The following DYNC2H1 variants were observed in gnomAD, a reference collection of about 807,000 sequenced individuals.
DYNC2H1 encodes the protein dynein cytoplasmic 2 heavy chain 1.
DYNC2H1 carries 410 observed loss-of-function variants against 570.0 expected under a neutral mutation model. That is an observed-to-expected ratio of 0.72 (90% CI 0.66 to 0.78). DYNC2H1 has a LOEUF of 0.78. Among genes scored for constraint, DYNC2H1 ranks in the 30% least tolerant of loss-of-function variants. The pLI is 0.00. For synonymous variants in DYNC2H1, 1,688 were observed against 1,677.6 expected (o/e 1.01, Z -0.15); for missense variants, 4,865 against 5,046.4 (o/e 0.96, Z 1.09).
chr11:103,229,012 G>T (rs941909544), intron 59 of DYNC2H1, among the ~76,000 whole-genome samples: 1 of 152,042 alleles, frequency 6.6e-6, no homozygotes, highest in Non-Finnish European at 1.5e-5. Context: ...CCAGGGTAGT[G>T]GGGGAAAGCC....
intron 84 of DYNC2H1, among the ~76,000 whole-genome samples, chr11:103,431,233 A>AAG (rs1309774495): frequency 3.3e-5 from 5 of 151,054 alleles, no homozygotes; most frequent in Non-Finnish European, 5.9e-5. Context: ...AAAAAAAAAA[A>AAG]CTAAAAAACT....
At chr11:103,138,612 T>C (rs1291785515) in intron 17 of DYNC2H1, among the ~76,000 whole-genome samples, 5 of 152,244 alleles carry the variant, frequency 3.3e-5, no homozygotes, top group Non-Finnish European at 4.4e-5. Flanking sequence ...GGATTTGGTT[T>C]GCCAGTATTT....
rs1324876211 is a variant in DYNC2H1 at position 103,366,625 on chromosome 11, A to C, written c.12156+8266A>C. On this transcript the variant is annotated intron_variant, in intron 83 of 88. Coordinates refer to ENST00000375735, the MANE Select transcript of DYNC2H1 (RefSeq NM_001377.3). ...CATGGAACTTCACTGCTTTGTTTAAAATTCCAGATCTGCTGCTTACAGATG... is the reference window on the plus strand; with the variant it reads ...CATGGAACTTCACTGCTTTGTTTAACATTCCAGATCTGCTGCTTACAGATG... Among the ~76,000 whole-genome samples the C allele has an allele frequency of 4.6e-5, 7 of 152,240 alleles. No homozygotes were observed. In the East Asian group the frequency reaches 1.2e-3, roughly 25 times the overall value.
At chr11:103,422,304 A>G (rs926730115) in intron 84 of DYNC2H1, among the ~76,000 whole-genome samples, 2 of 152,128 alleles carry the variant, frequency 1.3e-5, no homozygotes, top group Admixed American at 6.6e-5. Context: ...CTATTCCAAA[A>G]AATTGAAAAG....
intron 63 of DYNC2H1, among the ~76,000 whole-genome samples, chr11:103,242,044 G>A (rs1316559798): frequency 6.6e-5 from 10 of 151,938 alleles, no homozygotes; most frequent in East Asian, 1.9e-4. Context: ...TAGATATACA[G>A]TGTTCCCCCC....
At chr11:103,413,008 C>T (rs533993773) in intron 84 of DYNC2H1, among the ~76,000 whole-genome samples, 1 of 152,104 alleles carries the variant, frequency 6.6e-6, no homozygotes, top group Non-Finnish European at 1.5e-5. Flanking sequence ...GTACCACCCC[C>T]CACCTACCCT....
At chr11:103,273,376 A>T (rs1478336193) in intron 70 of DYNC2H1, among the ~76,000 whole-genome samples, 1 of 151,876 alleles carries the variant, frequency 6.6e-6, no homozygotes, top group East Asian at 1.9e-4. Flanking sequence ...TTTTGTAGAG[A>T]TGGAATTTCA....
Position 103,136,379 on chromosome 11 carries a change from C to T in DYNC2H1, c.2574+431C>T, listed in dbSNP as rs541183696. On this transcript the variant is annotated intron_variant, in intron 17 of 88. Coordinates refer to ENST00000375735, the MANE Select transcript of DYNC2H1 (RefSeq NM_001377.3). ...TCCTAATACTATCCCTCCCCCCTCC[C>T]GCCACCCGACAACAGTCCCCAGAGT... Among the ~76,000 whole-genome samples the T allele has an allele frequency of 1.5e-4, 23 of 151,086 alleles. No individual in the cohort carries two copies. The South Asian group carries it at 1.7e-3, about 11-fold the overall frequency.
At chr11:103,271,809 G>C (rs796566284) in intron 70 of DYNC2H1, among the ~76,000 whole-genome samples, 7 of 152,220 alleles carry the variant, frequency 4.6e-5, no homozygotes, top group African/African-American at 1.7e-4. Flanking sequence ...GCAGCCAACA[G>C]ACACATGAAA....
At chr11:103,433,291 G>A (rs1943959308) in intron 84 of DYNC2H1, among the ~76,000 whole-genome samples, 1 of 149,552 alleles carries the variant, frequency 6.7e-6, no homozygotes, top group Admixed American at 6.9e-5. Context: ...TCTGCACATT[G>A]TAGATAGTAA....
At chr11:103,258,427 T>G (rs1484651756) in intron 69 of DYNC2H1, among the ~76,000 whole-genome samples, 1 of 152,220 alleles carries the variant, frequency 6.6e-6, no homozygotes, top group African/African-American at 2.4e-5. Context: ...AACTATTTTC[T>G]TATGCTTATT....
chr11:103,200,882 A>C (rs759833295), intron 50 of DYNC2H1, among the ~76,000 whole-genome samples: 1 of 152,184 alleles, frequency 6.6e-6, no homozygotes. Context: ...GCTGGAGTGC[A>C]GTGACATGAT....
chr11:103,166,451 T>C (rs1470420567), intron 31 of DYNC2H1, among the ~76,000 whole-genome samples: 3 of 152,156 alleles, frequency 2.0e-5, no homozygotes, highest in Non-Finnish European at 4.4e-5. Flanking sequence ...ATGTTCCAGG[T>C]TTCCTTCTGG....
At chr11:103,117,225 A>T (rs1345604574) in intron 5 of DYNC2H1, among the ~76,000 whole-genome samples, 1 of 146,552 alleles carries the variant, frequency 6.8e-6, no homozygotes, top group Non-Finnish European at 1.5e-5. Context: ...ATATATATTT[A>T]ATATATGTAT....
intron 88 of DYNC2H1, among the ~76,000 whole-genome samples, chr11:103,474,768 T>A (rs1467517342): frequency 6.6e-6 from 1 of 152,222 alleles, no homozygotes; most frequent in African/African-American, 2.4e-5. Context: ...TAGATATGTA[T>A]GTTTAGGAAG....
chr11:103,458,527 ATAGTATATAAAAAT>A (rs1407126229), intron 87 of DYNC2H1, among the ~76,000 whole-genome samples: 2 of 152,162 alleles, frequency 1.3e-5, no homozygotes, highest in Non-Finnish European at 1.5e-5. Context: ...CAACCTGTAT[ATAGTATATAAAAAT>A]TAGTATATAA....
At chr11:103,135,045 A>G (rs548325578) in intron 15 of DYNC2H1, among the ~76,000 whole-genome samples, 53 of 152,194 alleles carry the variant, frequency 3.5e-4, no homozygotes, top group African/African-American at 1.3e-3. Context: ...AAAGTATGTA[A>G]ATTCTTATGA....
intron 87 of DYNC2H1, among the ~76,000 whole-genome samples, chr11:103,456,654 C>A (rs1944800411): frequency 1.3e-5 from 2 of 152,054 alleles, no homozygotes; most frequent in African/African-American, 2.4e-5. Context: ...TAAAATTGAA[C>A]CTAATATTTA....
rs1865967168 is a variant in DYNC2H1 at position 103,277,694 on chromosome 11, C to T, written c.10696-2654C>T. Among the ~76,000 whole-genome samples, 1 of 152,128 alleles carries T rather than the reference C, an allele frequency of 6.6e-6. No individual in the cohort carries two copies. Among genetic ancestry groups the T allele is most frequent in the Non-Finnish European group, 1.5e-5 (1 of 68,016 alleles). Reference sequence around the variant, plus strand: ...GGGTTAGGGGAGTAGTTCTCTAAAGCAAGCTTGCCTCGACTCTTACCAGGT... The same window carrying T: ...GGGTTAGGGGAGTAGTTCTCTAAAGTAAGCTTGCCTCGACTCTTACCAGGT... On this transcript the variant is annotated intron_variant, in intron 70 of 88. Coordinates refer to ENST00000375735, the MANE Select transcript of DYNC2H1 (RefSeq NM_001377.3). This position sits in a 1 kb window ranked among gnomAD's most constrained non-coding sequence, Gnocchi z 4.3.
Sources: gnomAD v4.1 joint callset for allele counts (sites outside exome capture counted in the v4.1 genomes callset) on GRCh38, gnomAD v4.1.1 for gene constraint, Gnocchi (gnomAD v3.1) non-coding constraint, MANE v1.5 for transcripts, NCBI Gene and HGNC (gene_info 2026-07-23, HGNC 2026-07-21) for gene names.